Variants in TAF1 observed in about 807,000 individuals in gnomAD.
The protein encoded by TAF1 is TATA-box binding protein associated factor 1.
A neutral mutation model predicts 138.5 loss-of-function variants in TAF1; 2 were observed. The observed-to-expected ratio is 0.01, with a 90% CI of 0.01 to 0.05. The LOEUF (loss-of-function observed/expected upper bound fraction) is 0.05, where lower values mean the gene tolerates loss of function less well. TAF1 is among the 10% of genes least tolerant of loss of function. The pLI is 1.00. For synonymous variants in TAF1, 437 were observed against 503.2 expected, an observed-to-expected ratio of 0.87 and a Z score of 1.76; for missense variants, 709 against 1,478.0, an observed-to-expected ratio of 0.48 and a Z score of 8.53.
chrX:71,445,402 A>G (rs1194739588), intron 32 of TAF1, among the ~76,000 whole-genome samples: 1 of 110,603 alleles, frequency 9.0e-6, no homozygotes, highest in Non-Finnish European at 1.9e-5. Flanking sequence ...ACTTAAGTCC[A>G]TGATCCGTTG....
chrX:71,404,917 A>G (rs1333961429), intron 25 of TAF1, among the ~76,000 whole-genome samples: 2 of 107,555 alleles, frequency 1.9e-5, no homozygotes, highest in Non-Finnish European at 3.8e-5. Context: ...TTCTTGGACT[A>G]CATGCCACTG....
intron 28 of TAF1, chrX:71,420,576 C>G: frequency 8.3e-7 from 1 of 1,209,666 alleles, no homozygotes; most frequent in East Asian, 3.0e-5. Context: ...TTCTCTACCT[C>G]GTTCTGTAGC....
Position 71,412,122 on chromosome X carries a change from G to GT in TAF1, c.4384+3991dup, listed in dbSNP as rs749385611. On this transcript the variant is annotated intron_variant, in intron 28 of 37. Coordinates refer to ENST00000423759, the MANE Select transcript of TAF1 (RefSeq NM_004606.5). ...AACATGTATCAGTACTTCATTCCTGGTTTTTTTTTTTTTTTTTTTTGAGAC... is the reference window on the plus strand; with the variant it reads ...AACATGTATCAGTACTTCATTCCTGGTTTTTTTTTTTTTTTTTTTTTGAGAC... 7.1e-3 allele frequency among the ~76,000 whole-genome samples: 635 copies of GT among 89,133 alleles called. 5 individuals carry two copies. Among genetic ancestry groups the GT allele is most frequent in the Middle Eastern group, 0.011 (2 of 182 alleles). The allele number at this position is 89,133 out of a possible 115,157, so 77.4% of individuals were successfully genotyped here. A position where few individuals can be genotyped will look rare whatever the true frequency, so the allele number is the denominator to read the frequency against.
At chrX:71,411,360 G>T (rs1453387174) in intron 28 of TAF1, among the ~76,000 whole-genome samples, 1 of 111,919 alleles carries the variant, frequency 8.9e-6, no homozygotes, top group Non-Finnish European at 1.9e-5. Flanking sequence ...GGGATTACAG[G>T]CATGAGCCAC....
At chrX:71,467,085 TC>T (rs1449683574), downstream of TAF1, among the ~76,000 whole-genome samples, 2 of 94,528 alleles carry the variant, frequency 2.1e-5, no homozygotes, top group Non-Finnish European at 4.3e-5. Context: ...GGGAGGGCAT[TC>T]TTTTTTTTTT....
chrX:71,430,585 A>AC (rs1192524987), intron 32 of TAF1, among the ~76,000 whole-genome samples: 8 of 111,550 alleles, frequency 7.2e-5, no homozygotes, highest in Non-Finnish European at 1.1e-4. Flanking sequence ...CAGGTAATAT[A>AC]AATGAGTGAA....
chrX:71,366,384 A>G lies in TAF1; in HGVS notation c.10A>G (p.Thr4Ala), dbSNP rs760925632. The change falls in exon 1 of 38, where the codon ACG becomes GCG. Residue 4 changes from threonine to alanine, a missense_variant. Physicochemically the swap from Thr to Ala is moderately conservative, Grantham distance 58. Transcript: ENST00000423759. ...CACTGCTGCCGCCATCATGTCAGAC[A>G]CGGACAGCGACGAAGATTCCGCTGG... Reference protein sequence around the residue: MSDTDSDEDSAGGG... With the variant: MSDADSDEDSAGGG... 2 of 1,210,631 alleles carry G rather than the reference A, an allele frequency of 1.7e-6. No homozygotes were observed. Among genetic ancestry groups the G allele is most frequent in the Non-Finnish European group, 2.2e-6 (2 of 895,333 alleles).
chrX:71,427,997 A>G lies in TAF1; in HGVS notation c.4753+3759A>G, dbSNP rs771169948. Among the ~76,000 whole-genome samples, 5 of 100,815 alleles carry G rather than the reference A, an allele frequency of 5.0e-5. No homozygotes were observed. In the South Asian group the frequency reaches 1.4e-3, roughly 28 times the overall value. 87.5% of individuals were successfully genotyped at this position (100,815 alleles called of 115,157 possible). A position where few individuals can be genotyped will look rare whatever the true frequency, so the allele number is the denominator to read the frequency against. On this transcript the variant is annotated intron_variant, in intron 32 of 37. Coordinates refer to ENST00000423759, the MANE Select transcript of TAF1 (RefSeq NM_004606.5). ...AAGAGATACTTTTTTTTTTAAACCT[A>G]TTAGATTAGCTCAATTTTTTTTTTT...
downstream of TAF1, among the ~76,000 whole-genome samples, chrX:71,468,684 CAA>C (rs765313817): frequency 1.1e-4 from 7 of 61,209 alleles, no homozygotes; most frequent in Non-Finnish European, 9.4e-5. Flanking sequence ...GACTCCCTCT[CAA>C]AAAAAAAAAA....
At chrX:71,378,743 G>A (rs1304125871) in intron 7 of TAF1, 81 bp from the exon 8 acceptor site, 21 of 1,013,527 alleles carry the variant, frequency 2.1e-5, no homozygotes, top group African/African-American at 3.8e-5. Flanking sequence ...TGTGTCTGAT[G>A]TATCTTTAAT....
chrX:71,408,259 G>A, intron 28 of TAF1, 108 bp downstream of exon 28: 2 of 900,770 alleles, frequency 2.2e-6, no homozygotes, highest in South Asian at 2.7e-5. Context: ...GTGTATTTGT[G>A]CATTCATTTG....
intron 13 of TAF1, among the ~76,000 whole-genome samples, chrX:71,482,044 C>A (rs1569394804): frequency 8.9e-6 from 1 of 112,140 alleles, no homozygotes; most frequent in Non-Finnish European, 1.9e-5. Flanking sequence ...GTCTGCTTAA[C>A]CCTCCTTAGC....
chrX:71,527,864 GT>G, intron 13 of TAF1: 1 of 153,629 alleles, frequency 6.5e-6, no homozygotes, highest in Non-Finnish European at 1.4e-5. Flanking sequence ...GGCAAAGGCA[GT>G]TTTTGAAATA....
intron 28 of TAF1, among the ~76,000 whole-genome samples, chrX:71,417,900 CACAT>C (rs2036111980): frequency 9.0e-6 from 1 of 111,295 alleles, no homozygotes. Flanking sequence ...AATTGTTAGA[CACAT>C]ACAGAAATAA....
At chrX:71,407,750 G>A in intron 27 of TAF1, 78 bp downstream of exon 27, 1 of 1,047,726 alleles carries the variant, frequency 9.5e-7, no homozygotes, top group Non-Finnish European at 1.3e-6. Context: ...ATAGAGGGCA[G>A]TAATCTGTAG....
downstream of TAF1, chrX:71,530,362 C>G (rs369297401): frequency 1.8e-5 from 2 of 111,598 alleles, no homozygotes; most frequent in Non-Finnish European, 3.7e-5. Flanking sequence ...TTGGTGGGTT[C>G]CTGGTCTCGC....
At chrX:71,478,505 T>C (rs2039017965) in intron 13 of TAF1, among the ~76,000 whole-genome samples, 1 of 110,489 alleles carries the variant, frequency 9.1e-6, no homozygotes, top group East Asian at 2.8e-4. Flanking sequence ...GCCTAGGTGA[T>C]AGAGCAAGAC....
chrX:71,401,469 C>G, intron 24 of TAF1, 59 bp from the exon 25 acceptor site: 2 of 1,177,158 alleles, frequency 1.7e-6, no homozygotes, highest in Non-Finnish European at 2.3e-6. Flanking sequence ...ACCTGCTTAT[C>G]TCTGATATGT....
chrX:71,494,337 C>T (rs1485031335), intron 13 of TAF1, among the ~76,000 whole-genome samples: 2 of 107,818 alleles, frequency 1.9e-5, no homozygotes, highest in East Asian at 2.9e-4. Context: ...GCAGAAGAAT[C>T]GCTTGAACCT....
Sources: allele counts gnomAD v4.1 joint callset (sites outside exome capture counted in the v4.1 genomes callset), GRCh38; gene constraint gnomAD v4.1.1; transcripts MANE v1.5; gene names NCBI Gene and HGNC (gene_info 2026-07-23, HGNC 2026-07-21).